The following SUMF1 variants were observed in gnomAD, a reference collection of about 807,000 sequenced individuals.
SUMF1 encodes sulfatase modifying factor 1.
SUMF1 carries 48 observed loss-of-function variants against 47.6 expected under a neutral mutation model. The ratio of observed to expected loss-of-function variants is 1.01; its 90% CI spans 0.80 to 1.28. The LOEUF (loss-of-function observed/expected upper bound fraction) is 1.28. Among genes scored for constraint, SUMF1 ranks in the 50% most tolerant of loss-of-function variants. SUMF1 has a pLI of 0.00. For synonymous variants in SUMF1, 230 were observed against 192.1 expected (o/e 1.20, Z -1.63); for missense variants, 571 against 485.4 (o/e 1.18, Z -1.66).
intron 8 of SUMF1, among the ~76,000 whole-genome samples, chr3:4,366,574 T>C (rs1246031001): frequency 1.3e-5 from 2 of 150,200 alleles, no homozygotes; most frequent in African/African-American, 2.4e-5. Context: ...CATCAGCTCC[T>C]TTATGCACTT....
intron 8 of SUMF1, among the ~76,000 whole-genome samples, chr3:4,209,905 T>A (rs1048957471): frequency 7.7e-4 from 117 of 151,764 alleles, no homozygotes; most frequent in Non-Finnish European, 1.3e-3. Flanking sequence ...GAAAAAAAAA[T>A]TTTTTTTGAG....
At chr3:4,402,630 C>A (rs982167738) in intron 7 of SUMF1, among the ~76,000 whole-genome samples, 8 of 152,120 alleles carry the variant, frequency 5.3e-5, no homozygotes, top group Non-Finnish European at 1.2e-4. Flanking sequence ...ACAACCAAAT[C>A]TGTTGGTGAT....
chr3:4,401,665 G>A (rs1701216711), intron 7 of SUMF1, among the ~76,000 whole-genome samples: 1 of 152,166 alleles, frequency 6.6e-6, no homozygotes, highest in African/African-American at 2.4e-5. Flanking sequence ...TGGAAACCCA[G>A]GCGACTGACC....
chr3:4,456,723 TATAC>T, intron 1 of SUMF1, among the ~76,000 whole-genome samples: 1 of 136,488 alleles, frequency 7.3e-6, no homozygotes, highest in African/African-American at 2.7e-5. Context: ...TATACATATA[TATAC>T]GTGTGTATAT....
chr3:4,350,032 G>C (rs372833596), intron 8 of SUMF1, among the ~76,000 whole-genome samples: 1 of 144,240 alleles, frequency 6.9e-6, no homozygotes, highest in Non-Finnish European at 1.5e-5. Context: ...ATGGAGTCTC[G>C]CTCTGTCGCC....
At chr3:4,217,835 G>C (rs1695969848) in intron 8 of SUMF1, among the ~76,000 whole-genome samples, 1 of 150,854 alleles carries the variant, frequency 6.6e-6, no homozygotes, top group Non-Finnish European at 1.5e-5. Context: ...AAATTAAGTT[G>C]TATACCAGCT....
At chr3:4,146,015 C>T (rs750640341) in intron 8 of SUMF1, among the ~76,000 whole-genome samples, 3 of 152,098 alleles carry the variant, frequency 2.0e-5, no homozygotes, top group African/African-American at 7.2e-5. Flanking sequence ...GTTGTGTCGA[C>T]TTGGTCTCAC....
chr3:4,270,095 T>A lies in SUMF1; in HGVS notation c.1014+106235A>T, dbSNP rs187100593. Among the ~76,000 whole-genome samples, 799 of 152,238 alleles carry A rather than the reference T, an allele frequency of 5.2e-3. 4 individuals carry two copies. Among genetic ancestry groups the A allele is most frequent in the African/African-American group, 0.017 (724 of 41,522 alleles). ...AAAGCCAAGGCCCAGAAGAGGTAGG[T>A]CATTTACCCACGGTTCAGGAGGAAC... is the stretch of plus-strand genomic sequence containing the variant. On this transcript the variant is annotated intron_variant and NMD_transcript_variant, in intron 8 of 12. Coordinates refer to the SUMF1 transcript ENST00000448413.
chr3:4,130,476 A>G (rs989424147), intron 8 of SUMF1, among the ~76,000 whole-genome samples: 1 of 152,200 alleles, frequency 6.6e-6, no homozygotes, highest in African/African-American at 2.4e-5. Flanking sequence ...TCTGCAAGAT[A>G]TCACAGTGGA....
At chr3:4,297,046 C>T (rs1039652665) in intron 8 of SUMF1, among the ~76,000 whole-genome samples, 11 of 152,110 alleles carry the variant, frequency 7.2e-5, no homozygotes, top group African/African-American at 2.7e-4. Context: ...AAACCTACCT[C>T]TCAGCTCCTG....
intron 8 of SUMF1, among the ~76,000 whole-genome samples, chr3:4,285,765 A>G (rs530267908): frequency 6.6e-6 from 1 of 152,280 alleles, no homozygotes; most frequent in East Asian, 1.9e-4. Flanking sequence ...GATACTTTCA[A>G]TAACAAAGGT....
chr3:4,222,490 G>A lies in SUMF1; in HGVS notation c.1015-153745C>T, dbSNP rs75495808. The stretch of plus-strand genomic sequence containing the variant: ...TAAATACGGGTGTCTCCATTCAATC[G>A]CTGGTACCCTCAAATCCAACCTGGA... On this transcript the variant is annotated intron_variant and NMD_transcript_variant, in intron 8 of 12. Coordinates refer to the SUMF1 transcript ENST00000448413. Among the ~76,000 whole-genome samples the A allele has an allele frequency of 1.9e-4, 29 of 152,060 alleles. No homozygotes were observed. The East Asian group carries it at 5.4e-3, about 28-fold the overall frequency.
At chr3:4,235,955 T>G (rs1432089544) in intron 8 of SUMF1, among the ~76,000 whole-genome samples, 2 of 152,030 alleles carry the variant, frequency 1.3e-5, no homozygotes, top group Non-Finnish European at 2.9e-5. Flanking sequence ...GTACAATAAT[T>G]TTTTTGAGAC....
At chr3:4,040,283 G>A (rs1559419687) in intron 9 of SUMF1, among the ~76,000 whole-genome samples, 1 of 152,114 alleles carries the variant, frequency 6.6e-6, no homozygotes, top group African/African-American at 2.4e-5. Flanking sequence ...TCAGAATGGG[G>A]AAAAGTTCTT....
chr3:4,354,139 G>A (rs1001922180), intron 8 of SUMF1, among the ~76,000 whole-genome samples: 2 of 152,124 alleles, frequency 1.3e-5, no homozygotes, highest in African/African-American at 4.8e-5. Context: ...ACTGGCATAA[G>A]CCACCCTGCC....
intron 8 of SUMF1, among the ~76,000 whole-genome samples, chr3:4,178,942 T>C (rs1034013649): frequency 5.9e-5 from 9 of 152,122 alleles, no homozygotes; most frequent in South Asian, 2.1e-4. Context: ...CCATTCACAA[T>C]TGCTACAAAG....
At chr3:4,243,063 G>A (rs1696579034) in intron 8 of SUMF1, among the ~76,000 whole-genome samples, 1 of 152,166 alleles carries the variant, frequency 6.6e-6, no homozygotes, top group Non-Finnish European at 1.5e-5. Flanking sequence ...GGTGTTTATA[G>A]TATTCTCTGA....
chr3:4,466,433 G>A (rs1325182778), intron 1 of SUMF1, among the ~76,000 whole-genome samples: 3 of 151,976 alleles, frequency 2.0e-5, no homozygotes, highest in African/African-American at 7.3e-5. Flanking sequence ...TATATATCCC[G>A]GCACCTAACA....
chr3:4,207,749 G>A (rs561860503), intron 8 of SUMF1, among the ~76,000 whole-genome samples: 29 of 152,154 alleles, frequency 1.9e-4, no homozygotes, highest in African/African-American at 6.7e-4. Context: ...GAGGTAGCAG[G>A]GCAAACCTCT....
Sources: gnomAD v4.1 joint callset for allele counts (sites outside exome capture counted in the v4.1 genomes callset) on GRCh38, gnomAD v4.1.1 for gene constraint, MANE v1.5 for transcripts, NCBI Gene and HGNC (gene_info 2026-07-23, HGNC 2026-07-21) for gene names.